The following AFG1L variants were observed in gnomAD, a reference collection of about 807,000 sequenced individuals.
The protein encoded by AFG1L is AFG1-like ATPase.
A neutral mutation model predicts 62.2 loss-of-function variants in AFG1L; 53 were observed. That is an observed-to-expected ratio of 0.85 (90% CI 0.68 to 1.07). The LOEUF (loss-of-function observed/expected upper bound fraction) is 1.07, where lower values mean the gene tolerates loss of function less well. Ranked by LOEUF, AFG1L falls within the 50% of genes least tolerant of loss-of-function variation. AFG1L has a pLI of 0.00. For synonymous variants in AFG1L, 228 were observed against 210.3 expected, an observed-to-expected ratio of 1.08 and a Z score of -0.73; for missense variants, 555 against 590.5, an observed-to-expected ratio of 0.94 and a Z score of 0.62.
chr6:108,310,572 C>T lies in AFG1L; in HGVS notation c.140-13253C>T, dbSNP rs556680651. ...TCCATTCTGTGGGTTGTATTTTCAC[C>T]TTCTTTTTTTTTTTTTTTTTGAGAC... On this transcript the variant is annotated intron_variant, in intron 1 of 12. Transcript: ENST00000368977. 6.6e-5 allele frequency among the ~76,000 whole-genome samples: 9 copies of T among 136,770 alleles called. No individual in the cohort carries two copies. The East Asian group carries it at 1.8e-3, about 27-fold the overall frequency. 89.7% of individuals were successfully genotyped at this position (136,770 alleles called of 152,430 possible).
At chr6:108,435,258 T>G (rs1283295639) in intron 7 of AFG1L, among the ~76,000 whole-genome samples, 2 of 152,292 alleles carry the variant, frequency 1.3e-5, no homozygotes, top group East Asian at 3.9e-4. Flanking sequence ...GGGATACAGC[T>G]GGTCTGGCTG....
At chr6:108,430,461 G>A (rs1408961207) in intron 7 of AFG1L, among the ~76,000 whole-genome samples, 1 of 152,156 alleles carries the variant, frequency 6.6e-6, no homozygotes, top group African/African-American at 2.4e-5. Flanking sequence ...TCTGTGCCTT[G>A]TTCTGGACAT....
chr6:108,499,084 T>C (rs937263592), intron 10 of AFG1L, among the ~76,000 whole-genome samples: 5 of 151,916 alleles, frequency 3.3e-5, no homozygotes, highest in African/African-American at 1.2e-4. Context: ...TTTTTTTTTT[T>C]TTGAGACAGG....
At chr6:108,331,325 C>T (rs1171842648) in intron 2 of AFG1L, among the ~76,000 whole-genome samples, 1 of 152,092 alleles carries the variant, frequency 6.6e-6, no homozygotes. Flanking sequence ...CACAAATAGA[C>T]TTCATTATGG....
intron 11 of AFG1L, among the ~76,000 whole-genome samples, chr6:108,513,435 A>G (rs11153117): frequency 0.67 from 101,931 of 152,148 alleles, 36,153 homozygotes; most frequent in African/African-American, 0.92. Flanking sequence ...CTTTTCCAAC[A>G]GTCTTAGCAA....
At chr6:108,388,884 C>T (rs1470007300) in intron 6 of AFG1L, among the ~76,000 whole-genome samples, 1 of 152,110 alleles carries the variant, frequency 6.6e-6, no homozygotes, top group Non-Finnish European at 1.5e-5. Flanking sequence ...CTGTAGATGT[C>T]TATTAGGTCT....
rs955804708 is a variant in AFG1L at position 108,363,885 on chromosome 6, G to A, written c.649-2348G>A. Among the ~76,000 whole-genome samples, 9 of 152,272 alleles carry A rather than the reference G, an allele frequency of 5.9e-5. No homozygotes were observed. In the South Asian group the frequency reaches 6.2e-4, roughly 11 times the overall value. ...CTAATCCTAATTACTGATAATGCAT[G>A]CTTATGTTTGTCACTCATTATATGG... On this transcript the variant is annotated intron_variant, in intron 5 of 12. Coordinates refer to ENST00000368977, the MANE Select transcript of AFG1L (RefSeq NM_145315.5).
At chr6:108,503,283 T>C (rs1244511829) in intron 10 of AFG1L, among the ~76,000 whole-genome samples, 7 of 152,230 alleles carry the variant, frequency 4.6e-5, no homozygotes, top group Admixed American at 6.5e-5. Context: ...AATCGCTATA[T>C]GTGGCAGCTA....
At chr6:108,470,509 C>T (rs1005957574) in intron 8 of AFG1L, among the ~76,000 whole-genome samples, 1 of 152,222 alleles carries the variant, frequency 6.6e-6, no homozygotes, top group African/African-American at 2.4e-5. Context: ...ATACTTAACA[C>T]TCTAACCATC....
rs1218265466 is a variant in AFG1L at position 108,323,812 on chromosome 6, T to C, written c.140-13T>C. 2 of 1,593,958 alleles carry C rather than the reference T, an allele frequency of 1.3e-6. No individual in the cohort carries two copies. The highest frequency in any genetic ancestry group is 1.7e-6 in the Non-Finnish European group (2 of 1,164,580). ...ATTTAAGAAAGTCTAAAATTTTATGTTTTTGTTTATAGCCTATACGGTTCA... is the reference window on the plus strand; with the variant it reads ...ATTTAAGAAAGTCTAAAATTTTATGCTTTTGTTTATAGCCTATACGGTTCA... On this transcript the variant is annotated splice_polypyrimidine_tract_variant and intron_variant, in intron 1 of 12. Transcript: ENST00000368977.
chr6:108,476,745 T>G (rs1773118724), intron 8 of AFG1L, 120 bp from the exon 9 acceptor site: 1 of 682,310 alleles, frequency 1.5e-6, no homozygotes, highest in Non-Finnish European at 2.6e-6. Context: ...ATGTTTGTAT[T>G]TAGAGCATAA....
intron 2 of AFG1L, among the ~76,000 whole-genome samples, chr6:108,343,596 A>G (rs1187148848): frequency 6.6e-6 from 1 of 152,246 alleles, no homozygotes; most frequent in African/African-American, 2.4e-5. Context: ...GAATATACTT[A>G]GAGATTATTA....
At chr6:108,351,235 T>G (rs1373051287) in intron 3 of AFG1L, among the ~76,000 whole-genome samples, 3 of 152,172 alleles carry the variant, frequency 2.0e-5, no homozygotes, top group Non-Finnish European at 2.9e-5. Context: ...CTACACTAAA[T>G]TTATAAAAAA....
At chr6:108,443,557 T>TA (rs1562164817) in intron 7 of AFG1L, among the ~76,000 whole-genome samples, 1 of 152,150 alleles carries the variant, frequency 6.6e-6, no homozygotes, top group Non-Finnish European at 1.5e-5. Context: ...CCACCACAAT[T>TA]ACGTTGGTTC....
intron 7 of AFG1L, among the ~76,000 whole-genome samples, chr6:108,443,652 A>T (rs989814624): frequency 6.6e-6 from 1 of 152,152 alleles, no homozygotes; most frequent in African/African-American, 2.4e-5. Flanking sequence ...AGGGGAGCAG[A>T]TCACTTGAGG....
At chr6:108,358,534 T>C (rs752124179) in intron 5 of AFG1L, among the ~76,000 whole-genome samples, 2 of 152,160 alleles carry the variant, frequency 1.3e-5, no homozygotes, top group Non-Finnish European at 2.9e-5. Context: ...TTTTTGTTTT[T>C]ATTTTTATTT....
At position 108,377,675 on chromosome 6, in the gene AFG1L, A is replaced by AT. The variant is rs35051774; in HGVS notation, c.748+11349dup. ...CCCCTTTTCTCTAGCTGCCTTTAAG[A>AT]TTTTTTCTTTAACACTGACCTTGGA... On this transcript the variant is annotated intron_variant, in intron 6 of 12. Transcript: ENST00000368977. Among the ~76,000 whole-genome samples, 1,302 of 151,096 alleles carry AT rather than the reference A, an allele frequency of 8.6e-3. 12 individuals are homozygous for AT. Among genetic ancestry groups the AT allele is most frequent in the Non-Finnish European group, 0.013 (860 of 67,694 alleles).
At chr6:108,442,307 G>T (rs1465353944) in intron 7 of AFG1L, among the ~76,000 whole-genome samples, 2 of 152,036 alleles carry the variant, frequency 1.3e-5, no homozygotes, top group East Asian at 3.9e-4. Context: ...GGCAAGGGGA[G>T]AAATATATAT....
chr6:108,426,934 A>G (rs1168242169), intron 7 of AFG1L, among the ~76,000 whole-genome samples: 2 of 152,012 alleles, frequency 1.3e-5, no homozygotes, highest in African/African-American at 2.4e-5. Flanking sequence ...CTTTACATTT[A>G]TGTGCATACA....
Sources: allele counts gnomAD v4.1 joint callset (sites outside exome capture counted in the v4.1 genomes callset), GRCh38; gene constraint gnomAD v4.1.1; transcripts MANE v1.5; gene names NCBI Gene and HGNC (gene_info 2026-07-23, HGNC 2026-07-21).